PKM: variants seen among roughly 807,000 people sequenced by gnomAD.
PKM encodes the protein pyruvate kinase M1/2.
Under a neutral mutation model 49.8 loss-of-function variants are expected in PKM, and 18 were observed. The ratio of observed to expected loss-of-function variants is 0.36; its 90% CI spans 0.25 to 0.54. The LOEUF is 0.54. Ranked by LOEUF, PKM falls within the 20% of genes least tolerant of loss-of-function variation. PKM has a pLI of 0.89. For missense variants in PKM, 508 were observed against 713.8 expected, an observed-to-expected ratio of 0.71 and a Z score of 3.28; for synonymous variants, 239 against 261.8, an observed-to-expected ratio of 0.91 and a Z score of 0.84.
At chr15:72,223,235 C>T (rs933767250) in intron 1 of PKM, among the ~76,000 whole-genome samples, 3 of 152,066 alleles carry the variant, frequency 2.0e-5, no homozygotes, top group African/African-American at 7.2e-5. Context: ...GAAAGATTCA[C>T]GCTTCACTCC....
At chr15:72,213,788 A>C (rs928387787) in intron 3 of PKM, among the ~76,000 whole-genome samples, 19 of 152,126 alleles carry the variant, frequency 1.2e-4, no homozygotes, top group Non-Finnish European at 4.4e-5. Flanking sequence ...TCTTTTGGAT[A>C]TTTATCTTTT....
chr15:72,221,509 C>T (rs1287482104), intron 1 of PKM, among the ~76,000 whole-genome samples: 1 of 151,556 alleles, frequency 6.6e-6, no homozygotes, highest in Non-Finnish European at 1.5e-5. Flanking sequence ...CCTAAAAGAC[C>T]TGGGAGGATA....
intron 8 of PKM, 107 bp downstream of exon 8, chr15:72,206,621 G>A (rs542719329): frequency 9.0e-7 from 1 of 1,110,402 alleles, no homozygotes; most frequent in African/African-American, 1.5e-5. Flanking sequence ...ATAATGAAAG[G>A]CTGTGCATAA....
chr15:72,204,752 T>C (rs900259351), intron 8 of PKM, among the ~76,000 whole-genome samples: 5 of 152,258 alleles, frequency 3.3e-5, no homozygotes, highest in Non-Finnish European at 7.3e-5. Context: ...TTAAATGACT[T>C]GCCCAAAGAC....
Position 72,200,402 on chromosome 15 carries a change from G to C in PKM, c.1489+72C>G. 6.9e-7 allele frequency: 1 copy of C among 1,456,100 alleles called. No individual in the cohort carries two copies. The highest frequency in any genetic ancestry group is 9.6e-7 in the Non-Finnish European group (1 of 1,041,130). The allele number at this position is 1,456,100 out of a possible 1,614,324, so 90.2% of individuals were successfully genotyped here. On this transcript the variant is annotated intron_variant, in intron 10 of 10. Coordinates refer to ENST00000335181, the MANE Select transcript of PKM (RefSeq NM_002654.6). This position sits in a 1 kb window ranked among gnomAD's most constrained non-coding sequence, Gnocchi z 4.6. ...CCCCTTTCTATTCCCCAAACTTTCG[G>C]GGTCCCACAGAAGCCAATGCTCAAG...
At chr15:72,212,983 G>T (rs944629078) in intron 3 of PKM, among the ~76,000 whole-genome samples, 1 of 152,014 alleles carries the variant, frequency 6.6e-6, no homozygotes. Context: ...GCTGAGGCAA[G>T]AGAATGGTGT....
chr15:72,212,656 G>A (rs186555411), intron 3 of PKM, among the ~76,000 whole-genome samples: 8 of 152,300 alleles, frequency 5.3e-5, no homozygotes, highest in Admixed American at 1.3e-4. Context: ...AGACTCAGGT[G>A]TACTGAGTTC....
At chr15:72,209,939 T>C in intron 4 of PKM, 80 bp from the exon 5 acceptor site, 1 of 1,213,072 alleles carries the variant, frequency 8.2e-7, no homozygotes, top group Non-Finnish European at 1.2e-6. Flanking sequence ...GAAAAGCTCT[T>C]TCCTCCCGGG....
rs2081928828 is a variant in PKM, at chr15:72,200,900, C to T, written c.1308-245G>A. ...GGCCAAGGGCTCAGGATCACCTTGACCCAGCAAGATCAGCCTCACCCACTT... is the reference window on the plus strand; with the variant it reads ...GGCCAAGGGCTCAGGATCACCTTGATCCAGCAAGATCAGCCTCACCCACTT... On this transcript the variant is annotated intron_variant, in intron 9 of 10. Transcript: ENST00000335181. This position sits in a 1 kb window ranked among gnomAD's most constrained non-coding sequence, Gnocchi z 4.6. 8.1e-6 allele frequency: 4 copies of T among 492,090 alleles called. No individual in the cohort carries two copies. The highest frequency in any genetic ancestry group is 2.7e-5 in the South Asian group (1 of 36,692). The allele number at this position is 492,090 out of a possible 1,614,324, so 30.5% of individuals were successfully genotyped here.
chr15:72,229,529 G>A (rs758379970), intron 1 of PKM: 29 of 1,281,190 alleles, frequency 2.3e-5, no homozygotes, highest in Non-Finnish European at 2.9e-5. Context: ...AGATTAAGAA[G>A]CCAAGGGATG....
At chr15:72,208,133 C>G (rs1889604833) in intron 6 of PKM, among the ~76,000 whole-genome samples, 1 of 152,190 alleles carries the variant, frequency 6.6e-6, no homozygotes, top group African/African-American at 2.4e-5. Context: ...ACTGAGCCAG[C>G]TGCATTCTAA....
intron 1 of PKM, among the ~76,000 whole-genome samples, chr15:72,227,569 C>T (rs1353240728): frequency 2.0e-5 from 3 of 151,868 alleles, no homozygotes; most frequent in Admixed American, 2.0e-4. Flanking sequence ...CATGGTGAAA[C>T]CCCATCTCTA....
At position 72,202,278 on chromosome 15, in the gene PKM, T is replaced by C; in HGVS notation, c.1307+176A>G. 1.5e-6 allele frequency: 1 copy of C among 666,046 alleles called. No homozygotes were observed. The highest frequency in any genetic ancestry group is 2.7e-5 in the East Asian group (1 of 36,706). 41.3% of individuals were successfully genotyped at this position (666,046 alleles called of 1,614,324 possible). A position where few individuals can be genotyped will look rare whatever the true frequency, so the allele number is the denominator to read the frequency against. ...TCCTTATGAGTGCTACCTAGAGTCC[T>C]TTGGGCCCAGGGAAGGGGCTCTGCT... On this transcript the variant is annotated intron_variant, in intron 9 of 10. Coordinates refer to ENST00000335181, the MANE Select transcript of PKM (RefSeq NM_002654.6). This position sits in a 1 kb window ranked among gnomAD's most constrained non-coding sequence, Gnocchi z 4.5.
intron 8 of PKM, 130 bp downstream of exon 8, chr15:72,206,598 T>G: frequency 1.1e-6 from 1 of 907,984 alleles, no homozygotes; most frequent in Non-Finnish European, 1.7e-6. Context: ...CTCTTGCTGC[T>G]GTAACTTGGA....
chr15:72,229,833 T>A, intron 1 of PKM: 1 of 354,464 alleles, frequency 2.8e-6, no homozygotes, highest in Non-Finnish European at 4.1e-6. Context: ...GCCCCCTCCG[T>A]AACCAGATCC....
chr15:72,218,166 C>T (rs1209079354), intron 2 of PKM, among the ~76,000 whole-genome samples: 1 of 151,494 alleles, frequency 6.6e-6, no homozygotes, highest in African/African-American at 2.4e-5. Context: ...TTCTTGTTGC[C>T]AAGGCTGGAG....
At chr15:72,218,356 A>T (rs2082427842) in intron 2 of PKM, among the ~76,000 whole-genome samples, 1 of 151,918 alleles carries the variant, frequency 6.6e-6, no homozygotes, top group African/African-American at 2.4e-5. Flanking sequence ...CGAACTCCTG[A>T]CCTCAGGTGA....
intron 1 of PKM, 197 bp from the exon 2 acceptor site, chr15:72,219,307 G>A: frequency 1.8e-6 from 1 of 565,444 alleles, no homozygotes. Flanking sequence ...TGTGAACAAT[G>A]GAAAGGACCT....
rs1387413664 is a variant in PKM at position 72,208,806 on chromosome 15, G to A, written c.651C>T (p.Asp217=). The A allele has an allele frequency of 1.2e-6, 2 of 1,613,960 alleles. No homozygotes were observed. The highest frequency in any genetic ancestry group is 2.7e-5 in the African/African-American group (2 of 74,880). ...TGTCCTTCTCCGACACAGCAGGCAA[G>A]TCCACAGCAGCCCCAGGAAGGTTCA... ...KGVNLPGAAV[D]LPAVSEKDIQ... The change falls in exon 6 of 11, where the codon GAC becomes GAT. Residue 217 remains aspartate, a synonymous_variant. Transcript: ENST00000335181.
Sources: gnomAD v4.1 joint callset for allele counts (sites outside exome capture counted in the v4.1 genomes callset) on GRCh38, gnomAD v4.1.1 for gene constraint, Gnocchi (gnomAD v3.1) non-coding constraint, MANE v1.5 for transcripts, NCBI Gene and HGNC (gene_info 2026-07-23, HGNC 2026-07-21) for gene names.